Variants in ADAMTS3 observed in about 807,000 individuals in gnomAD.
ADAMTS3 encodes the protein A disintegrin and metalloproteinase with thrombospondin motifs 3.
In ADAMTS3, 73 loss-of-function variants were observed where a neutral mutation model predicts 129.0. The ratio of observed to expected loss-of-function variants is 0.57; its 90% CI spans 0.47 to 0.69. The LOEUF (loss-of-function observed/expected upper bound fraction) is 0.69. ADAMTS3 is among the 30% of genes least tolerant of loss of function. The probability of loss-of-function intolerance (pLI) is 0.00; values close to 1 mark genes in which losing one functional copy is unlikely to be tolerated. For synonymous variants in ADAMTS3, 477 were observed against 510.8 expected (o/e 0.93, Z 0.89); for missense variants, 1,457 against 1,514.5 (o/e 0.96, Z 0.63).
rs116952238 is a variant in ADAMTS3, at chr4:72,441,520, G to A, written c.505-26549C>T. Among the ~76,000 whole-genome samples the A allele has an allele frequency of 4.9e-4, 75 of 151,844 alleles. 1 individual carries two copies. The East Asian group carries it at 0.01, about 21-fold the overall frequency. On this transcript the variant is annotated intron_variant, in intron 3 of 21. Transcript: ENST00000286657. ...CATTATTGCAATGCTGTCTTGAGAT[G>A]AGCAGTTTTAATTTTGAAGTCTAGT...
chr4:72,515,980 T>C (rs530683329), intron 3 of ADAMTS3, among the ~76,000 whole-genome samples: 1 of 152,356 alleles, frequency 6.6e-6, no homozygotes, highest in East Asian at 1.9e-4. Context: ...GTCTAACATG[T>C]AAATCTTTAA....
chr4:72,317,829 C>T (rs1719439343), intron 10 of ADAMTS3, among the ~76,000 whole-genome samples: 2 of 152,140 alleles, frequency 1.3e-5, no homozygotes, highest in African/African-American at 2.4e-5. Context: ...GAGTTTGAGA[C>T]TAGCCTGGCC....
intron 3 of ADAMTS3, among the ~76,000 whole-genome samples, chr4:72,415,289 T>C (rs189363775): frequency 1.3e-5 from 2 of 152,126 alleles, no homozygotes; most frequent in Non-Finnish European, 2.9e-5. Context: ...ATATTCTACT[T>C]GGTATTTTAT....
chr4:72,370,300 C>G (rs1216676315), intron 4 of ADAMTS3, among the ~76,000 whole-genome samples: 2 of 152,170 alleles, frequency 1.3e-5, no homozygotes, highest in Non-Finnish European at 2.9e-5. Context: ...CCTCCATAGT[C>G]TGGTGAGTGT....
intron 5 of ADAMTS3, among the ~76,000 whole-genome samples, chr4:72,323,689 C>T (rs1028325599): frequency 4.6e-5 from 7 of 152,104 alleles, no homozygotes; most frequent in Admixed American, 2.6e-4. Flanking sequence ...GGAGACTGTA[C>T]GAGTACCTGT....
intron 3 of ADAMTS3, among the ~76,000 whole-genome samples, chr4:72,537,636 A>T (rs1578775634): frequency 6.6e-6 from 1 of 152,188 alleles, no homozygotes; most frequent in East Asian, 1.9e-4. Flanking sequence ...ACAACAAAGC[A>T]AACAGCAAGC....
intron 5 of ADAMTS3, among the ~76,000 whole-genome samples, chr4:72,337,701 T>C (rs1025119371): frequency 9.2e-5 from 14 of 152,180 alleles, no homozygotes; most frequent in Admixed American, 7.9e-4. Context: ...TGGATAACTA[T>C]GGTCACATCT....
chr4:72,453,241 T>C (rs1181735761), intron 3 of ADAMTS3, among the ~76,000 whole-genome samples: 2 of 151,864 alleles, frequency 1.3e-5, no homozygotes, highest in African/African-American at 4.8e-5. Flanking sequence ...GACTAATCTT[T>C]GATAATATTT....
intron 4 of ADAMTS3, among the ~76,000 whole-genome samples, chr4:72,376,879 A>G (rs1305671164): frequency 2.6e-5 from 4 of 152,142 alleles, no homozygotes; most frequent in Non-Finnish European, 4.4e-5. Context: ...ATATTTTCTG[A>G]ATAAAAAGAC....
intron 3 of ADAMTS3, among the ~76,000 whole-genome samples, chr4:72,474,013 GA>G (rs559447652): frequency 2.3e-4 from 35 of 152,000 alleles, no homozygotes; most frequent in African/African-American, 6.5e-4. Context: ...GCCAAATGAG[GA>G]ACACAAACTT....
rs1436492722 is a variant in ADAMTS3, at chr4:72,560,007, T to C, written c.97+7367A>G. On this transcript the variant is annotated intron_variant, in intron 2 of 21. Coordinates refer to ENST00000286657, the MANE Select transcript of ADAMTS3 (RefSeq NM_014243.3). ...ACACAAAAACATACACACAGGCCAG[T>C]GGAACAGAACAGAGAACTCAGAAAT... Among the ~76,000 whole-genome samples the C allele has an allele frequency of 1.3e-5, 2 of 151,398 alleles. 1 individual carries two copies. The highest frequency in any genetic ancestry group is 4.9e-5 in the African/African-American group (2 of 40,874).
chr4:72,437,079 A>G (rs1717957730), intron 3 of ADAMTS3, among the ~76,000 whole-genome samples: 1 of 151,836 alleles, frequency 6.6e-6, no homozygotes, highest in African/African-American at 2.4e-5. Flanking sequence ...AGTTTGCTCA[A>G]ACTATTCACT....
chr4:72,306,707 G>A (rs2109791456), intron 15 of ADAMTS3, among the ~76,000 whole-genome samples: 1 of 151,950 alleles, frequency 6.6e-6, no homozygotes, highest in South Asian at 2.1e-4. Context: ...CACTTAGTTG[G>A]AAAATGTGTG....
chr4:72,526,331 T>G, intron 3 of ADAMTS3, among the ~76,000 whole-genome samples: 1 of 152,138 alleles, frequency 6.6e-6, no homozygotes, highest in Non-Finnish European at 1.5e-5. Flanking sequence ...CTAGCCCTAA[T>G]GAAATTCACT....
intron 2 of ADAMTS3, among the ~76,000 whole-genome samples, chr4:72,549,988 A>G (rs788906): frequency 4.1e-4 from 12 of 28,920 alleles, no homozygotes; most frequent in South Asian, 1.7e-3. Context: ...AAGAAGAAGA[A>G]GAAGAGGAAG....
chr4:72,373,810 G>A (rs374562368), intron 4 of ADAMTS3, among the ~76,000 whole-genome samples: 1 of 151,726 alleles, frequency 6.6e-6, no homozygotes, highest in East Asian at 1.9e-4. Context: ...TAAGGTGGGA[G>A]GATAACTTGA....
intron 4 of ADAMTS3, 96 bp from the exon 5 acceptor site, chr4:72,339,789 T>A (rs1338885565): frequency 2.1e-6 from 2 of 937,314 alleles, no homozygotes; most frequent in Non-Finnish European, 3.3e-6. Flanking sequence ...GGCCTATCAG[T>A]ATCATTCATA....
intron 3 of ADAMTS3, among the ~76,000 whole-genome samples, chr4:72,500,564 T>C (rs1290607741): frequency 5.9e-5 from 9 of 152,138 alleles, no homozygotes; most frequent in African/African-American, 2.2e-4. Context: ...CTGTAGGTTG[T>C]CTGTTTAATC....
At chr4:72,515,906 T>C (rs1025288028) in intron 3 of ADAMTS3, among the ~76,000 whole-genome samples, 3 of 152,228 alleles carry the variant, frequency 2.0e-5, no homozygotes, top group African/African-American at 4.8e-5. Flanking sequence ...CATGAAGTCC[T>C]TGTGCATGCC....
Sources: gnomAD v4.1 joint callset for allele counts (sites outside exome capture counted in the v4.1 genomes callset) on GRCh38, gnomAD v4.1.1 for gene constraint, MANE v1.5 for transcripts, NCBI Gene and HGNC (gene_info 2026-07-23, HGNC 2026-07-21) for gene names.